Variants in SPATA22 observed in about 807,000 individuals in gnomAD.
SPATA22 encodes spermatogenesis associated 22, also known as spermatogenesis-associated protein 22.
Under a neutral mutation model 47.8 loss-of-function variants are expected in SPATA22, and 29 were observed. That is an observed-to-expected ratio of 0.61 (90% confidence interval 0.45 to 0.83). SPATA22 has a LOEUF of 0.83. SPATA22 is among the 40% of genes least tolerant of loss of function. The probability of loss-of-function intolerance (pLI) is 0.00; values close to 1 mark genes in which losing one functional copy is unlikely to be tolerated. For missense variants in SPATA22, 410 were observed against 421.7 expected (o/e 0.97, Z 0.24); for synonymous variants, 133 against 140.9 (o/e 0.94, Z 0.40).
At chr17:3,476,419 T>C, upstream of SPATA22, 1 of 1,598,718 alleles carries the variant, frequency 6.3e-7, no homozygotes, top group Non-Finnish European at 8.6e-7. Flanking sequence ...TTGTATTGTA[T>C]ATGTATGTAT....
Position 3,467,567 on chromosome 17 carries a change from T to C in SPATA22, c.44-13A>G, listed in dbSNP as rs2073344526. 6.3e-6 allele frequency: 10 copies of C among 1,597,096 alleles called. No homozygotes were observed. The South Asian group carries it at 8.0e-5, about 13-fold the overall frequency. On this transcript the variant is annotated splice_polypyrimidine_tract_variant and intron_variant, in intron 2 of 8. Coordinates refer to ENST00000572969, the MANE Select transcript of SPATA22 (RefSeq NM_001170698.2). ...ACAGGCAAACAGCCTAAATTGAATG[T>C]ACCAATAAATTAGTACATAATAGAC...
chr17:3,506,139 G>C lies in SPATA22; in HGVS notation c.-74+7273C>G, dbSNP rs144641857. Among the ~76,000 whole-genome samples the C allele has an allele frequency of 4.4e-3, 675 of 152,266 alleles. 4 individuals are homozygous for C. The highest frequency in any genetic ancestry group is 0.015 in the African/African-American group (619 of 41,552). ...TACCTGTAGAGACCTTTGTATGCCT[G>C]TTCCCAAAGCAGACACACCAAAAAC... is the stretch of plus-strand genomic sequence containing the variant. On this transcript the variant is annotated intron_variant, in intron 1 of 8. Transcript: ENST00000541913.
intron 5 of SPATA22, among the ~76,000 whole-genome samples, chr17:3,450,854 C>A (rs1375605832): frequency 6.6e-6 from 1 of 152,034 alleles, no homozygotes; most frequent in Non-Finnish European, 1.5e-5. Context: ...CAAGAAGTAC[C>A]AAAATGTGAC....
At chr17:3,464,001 T>C (rs1408909180) in intron 3 of SPATA22, among the ~76,000 whole-genome samples, 1 of 128,240 alleles carries the variant, frequency 7.8e-6, no homozygotes, top group Non-Finnish European at 1.6e-5. Context: ...TCCCTCTCCC[T>C]CTGTTTCCAC....
chr17:3,455,058 G>A (rs1156923040), intron 5 of SPATA22, among the ~76,000 whole-genome samples: 2 of 152,106 alleles, frequency 1.3e-5, no homozygotes, highest in Non-Finnish European at 2.9e-5. Context: ...CAGTGATGAT[G>A]AGCATTTTTT....
chr17:3,511,471 A>AT (rs2074113245), intron 1 of SPATA22: 1 of 152,248 alleles, frequency 6.6e-6, no homozygotes, highest in South Asian at 2.1e-4. Flanking sequence ...CTCTCGGAGC[A>AT]TTAGCCTCTG....
At chr17:3,464,851 C>G (rs1338474692) in intron 3 of SPATA22, among the ~76,000 whole-genome samples, 1 of 121,562 alleles carries the variant, frequency 8.2e-6, no homozygotes, top group African/African-American at 2.9e-5. Flanking sequence ...AAGTGAGGAG[C>G]GTCTCCGCCC....
chr17:3,463,817 T>A (rs2073189832), intron 3 of SPATA22, among the ~76,000 whole-genome samples: 1 of 152,182 alleles, frequency 6.6e-6, no homozygotes, highest in Non-Finnish European at 1.5e-5. Context: ...TATTTTCTAT[T>A]CTACTCTATT....
chr17:3,463,670 T>TA (rs2073185546), intron 3 of SPATA22, among the ~76,000 whole-genome samples: 1 of 147,138 alleles, frequency 6.8e-6, no homozygotes, highest in Non-Finnish European at 1.5e-5. Context: ...TAAAAAAAAA[T>TA]AAACTGTGCT....
Position 3,483,372 on chromosome 17 carries a change from C to T in SPATA22, c.-73-13974G>A, listed in dbSNP as rs548519846. ...AATACCATTGGGTTTTAAAGTATTT[C>T]ATAAAGCTGTCTTACCAATCTTAGT... On this transcript the variant is annotated intron_variant, in intron 1 of 8. Coordinates refer to the SPATA22 transcript ENST00000541913. 14 of 788,064 alleles carry T rather than the reference C, an allele frequency of 1.8e-5. No individual in the cohort carries two copies. In the South Asian group the frequency reaches 2.0e-4, roughly 11 times the overall value. 48.8% of individuals were successfully genotyped at this position (788,064 alleles called of 1,614,324 possible). A position where few individuals can be genotyped will look rare whatever the true frequency, so the allele number is the denominator to read the frequency against.
chr17:3,467,288 A>G, intron 3 of SPATA22, 138 bp downstream of exon 3: 1 of 652,226 alleles, frequency 1.5e-6, no homozygotes, highest in Non-Finnish European at 2.4e-6. Flanking sequence ...ATGTTCAGAA[A>G]GTGCTATGTA....
chr17:3,499,166 G>C (rs2073960996), intron 1 of SPATA22: 3 of 1,502,580 alleles, frequency 2.0e-6, no homozygotes, highest in South Asian at 2.4e-5. Flanking sequence ...GTAGGGTTGT[G>C]CCTTATTCAA....
intron 1 of SPATA22, chr17:3,489,410 G>A: frequency 7.6e-7 from 1 of 1,316,212 alleles, no homozygotes; most frequent in African/African-American, 1.5e-5. Flanking sequence ...TTGGAACCTG[G>A]GTCAGATTTG....
intron 5 of SPATA22, among the ~76,000 whole-genome samples, chr17:3,454,818 A>C (rs1473202945): frequency 1.3e-5 from 2 of 152,170 alleles, no homozygotes; most frequent in South Asian, 2.1e-4. Context: ...TATACCCAGT[A>C]ATGGGATGGC....
At chr17:3,479,482 A>AT (rs1234799808) in intron 1 of SPATA22, among the ~76,000 whole-genome samples, 1 of 152,206 alleles carries the variant, frequency 6.6e-6, no homozygotes, top group Non-Finnish European at 1.5e-5. Flanking sequence ...TTCACAAATA[A>AT]TAAGTCCAGA....
chr17:3,507,732 A>T (rs2074055150), intron 1 of SPATA22, among the ~76,000 whole-genome samples: 1 of 152,226 alleles, frequency 6.6e-6, no homozygotes, highest in East Asian at 1.9e-4. Flanking sequence ...AACAATAACC[A>T]ACATGACCGG....
At chr17:3,451,927 A>C in intron 5 of SPATA22, among the ~76,000 whole-genome samples, 1 of 151,464 alleles carries the variant, frequency 6.6e-6, no homozygotes, top group African/African-American at 2.4e-5. Context: ...AGCCTGGGCG[A>C]CAGAGCGAGA....
chr17:3,502,616 A>G (rs1349378799), intron 1 of SPATA22: 1 of 152,258 alleles, frequency 6.6e-6, no homozygotes, highest in Non-Finnish European at 1.5e-5. Context: ...ATATGACTAT[A>G]TTAAGAAACT....
intron 1 of SPATA22, chr17:3,499,518 G>A (rs1186252526): frequency 6.5e-6 from 1 of 154,038 alleles, no homozygotes; most frequent in Non-Finnish European, 1.4e-5. Flanking sequence ...ACAGTGCCAT[G>A]TTTCCAACAG....
Sources: gnomAD v4.1 joint callset for allele counts (sites outside exome capture counted in the v4.1 genomes callset) on GRCh38, gnomAD v4.1.1 for gene constraint, MANE v1.5 for transcripts, NCBI Gene and HGNC (gene_info 2026-07-23, HGNC 2026-07-21) for gene names.